Variants in ITGBL1 observed in about 807,000 individuals in gnomAD.
The protein encoded by ITGBL1 is integrin beta-like protein 1.
ITGBL1 carries 51 observed loss-of-function variants against 68.5 expected under a neutral mutation model. The ratio of observed to expected loss-of-function variants is 0.74; its 90% CI spans 0.59 to 0.94. The LOEUF (loss-of-function observed/expected upper bound fraction) is 0.94. ITGBL1 is among the 40% of genes least tolerant of loss of function. The pLI, the probability that ITGBL1 is intolerant of heterozygous loss-of-function variation, is 0.00. For synonymous variants in ITGBL1, 209 were observed against 227.3 expected, an observed-to-expected ratio of 0.92 and a Z score of 0.72; for missense variants, 649 against 647.4, an observed-to-expected ratio of 1.00 and a Z score of -0.03.
At chr13:101,540,483 G>A (rs1306445762) in intron 2 of ITGBL1, among the ~76,000 whole-genome samples, 1 of 152,176 alleles carries the variant, frequency 6.6e-6, no homozygotes, top group Admixed American at 6.5e-5. Context: ...AAGTCAGGTA[G>A]TGTGATGCCT....
At chr13:101,512,512 G>A (rs2049131972) in intron 2 of ITGBL1, among the ~76,000 whole-genome samples, 1 of 152,136 alleles carries the variant, frequency 6.6e-6, no homozygotes. Flanking sequence ...AGGTAACCTT[G>A]AGTGGACATG....
chr13:101,692,575 T>C lies in ITGBL1; in HGVS notation c.1016-10T>C. ...TCCTCATAAGTGTGCACTTTCTTTA[T>C]ACTTTCCAGGTAAATGTGAATGTGG... On this transcript the variant is annotated splice_polypyrimidine_tract_variant and intron_variant, in intron 7 of 10. Transcript: ENST00000376180. 1 of 1,590,316 alleles carries C rather than the reference T, an allele frequency of 6.3e-7. No homozygotes were observed.
chr13:101,568,062 A>G (rs561127600), intron 3 of ITGBL1, among the ~76,000 whole-genome samples: 1 of 152,262 alleles, frequency 6.6e-6, no homozygotes, highest in South Asian at 2.1e-4. Context: ...GCCTCCTTCT[A>G]GCAGGATATT....
At chr13:101,481,743 G>C (rs1262440140) in intron 2 of ITGBL1, among the ~76,000 whole-genome samples, 2 of 151,932 alleles carry the variant, frequency 1.3e-5, no homozygotes, top group Admixed American at 1.3e-4. Flanking sequence ...TCACTAACAT[G>C]CAAGATTTTC....
chr13:101,619,379 T>C (rs2031496379), intron 7 of ITGBL1, among the ~76,000 whole-genome samples: 2 of 150,420 alleles, frequency 1.3e-5, no homozygotes, highest in Admixed American at 1.3e-4. Flanking sequence ...AAAGAAAGAG[T>C]CAGAATCAAG....
At chr13:101,558,083 C>CAAAAAAAA (rs568103738) in intron 2 of ITGBL1, among the ~76,000 whole-genome samples, 15 of 71,690 alleles carry the variant, frequency 2.1e-4, no homozygotes, top group African/African-American at 8.2e-4. Flanking sequence ...AACTCCGTCT[C>CAAAAAAAA]AAAAAAAAAA....
intron 2 of ITGBL1, among the ~76,000 whole-genome samples, chr13:101,473,231 T>C (rs1187647431): frequency 6.6e-6 from 1 of 152,132 alleles, no homozygotes; most frequent in African/African-American, 2.4e-5. Context: ...TTCAATACCA[T>C]ATCAAAGAAA....
chr13:101,469,974 A>T (rs2048435166), intron 2 of ITGBL1, among the ~76,000 whole-genome samples: 1 of 152,186 alleles, frequency 6.6e-6, no homozygotes, highest in Admixed American at 6.5e-5. Flanking sequence ...AACTTCTCTG[A>T]GCCTCAGTTC....
At chr13:101,606,563 T>G (rs2030870605) in intron 7 of ITGBL1, among the ~76,000 whole-genome samples, 1 of 150,470 alleles carries the variant, frequency 6.6e-6, no homozygotes, top group Non-Finnish European at 1.5e-5. Context: ...AATACATCAT[T>G]ATTATTATCG....
intron 7 of ITGBL1, among the ~76,000 whole-genome samples, chr13:101,614,623 T>C (rs2031275829): frequency 6.6e-6 from 1 of 152,178 alleles, no homozygotes; most frequent in Non-Finnish European, 1.5e-5. Flanking sequence ...AGCTGGCTCC[T>C]TGTCTGCTTT....
intron 9 of ITGBL1, among the ~76,000 whole-genome samples, chr13:101,709,234 G>A (rs956455459): frequency 2.0e-5 from 3 of 150,454 alleles, no homozygotes; most frequent in East Asian, 1.9e-4. Context: ...GCGCGGTGGC[G>A]GGCGCCTGTA....
chr13:101,456,114 C>A (rs919559936), intron 2 of ITGBL1, among the ~76,000 whole-genome samples: 1 of 152,184 alleles, frequency 6.6e-6, no homozygotes, highest in African/African-American at 2.4e-5. Flanking sequence ...TTCCTTCCTT[C>A]TTGATACGAA....
intron 7 of ITGBL1, among the ~76,000 whole-genome samples, chr13:101,649,092 T>A (rs2032662323): frequency 6.6e-6 from 1 of 152,214 alleles, no homozygotes; most frequent in Admixed American, 6.5e-5. Flanking sequence ...AGTATGCATA[T>A]GAATCAAGAA....
At chr13:101,475,976 A>T (rs1021421677) in intron 2 of ITGBL1, among the ~76,000 whole-genome samples, 4 of 152,194 alleles carry the variant, frequency 2.6e-5, no homozygotes, top group Admixed American at 1.3e-4. Context: ...AAAGAAAAGG[A>T]TGTTAACAAG....
At chr13:101,543,391 C>T (rs909673555) in intron 2 of ITGBL1, among the ~76,000 whole-genome samples, 8 of 152,194 alleles carry the variant, frequency 5.3e-5, no homozygotes, top group South Asian at 2.1e-4. Flanking sequence ...TGGCCCCCAC[C>T]CTCTTCTGGC....
chr13:101,567,452 T>C (rs1413738994), intron 2 of ITGBL1, among the ~76,000 whole-genome samples: 1 of 152,178 alleles, frequency 6.6e-6, no homozygotes, highest in African/African-American at 2.4e-5. Context: ...TTAGGCTTTT[T>C]AATGTATTAT....
chr13:101,507,202 T>G (rs2049040051), intron 2 of ITGBL1, among the ~76,000 whole-genome samples: 1 of 152,156 alleles, frequency 6.6e-6, no homozygotes, highest in South Asian at 2.1e-4. Flanking sequence ...TATTGAGAAG[T>G]CAGAGCTATT....
At chr13:101,652,597 T>C (rs1489471859) in intron 7 of ITGBL1, among the ~76,000 whole-genome samples, 1 of 152,076 alleles carries the variant, frequency 6.6e-6, no homozygotes, top group Admixed American at 6.6e-5. Context: ...AGGTGGAGAA[T>C]CCAAATTTTT....
intron 7 of ITGBL1, among the ~76,000 whole-genome samples, chr13:101,683,209 A>G (rs1193375807): frequency 1.3e-5 from 2 of 152,064 alleles, no homozygotes; most frequent in East Asian, 1.9e-4. Flanking sequence ...CCCTAAAAAG[A>G]TAACCTTTAT....
Sources: allele counts gnomAD v4.1 joint callset (sites outside exome capture counted in the v4.1 genomes callset), GRCh38; gene constraint gnomAD v4.1.1; transcripts MANE v1.5; gene names NCBI Gene and HGNC (gene_info 2026-07-23, HGNC 2026-07-21).